Variants in ITPR2 observed in about 807,000 individuals in gnomAD.
The protein encoded by ITPR2 is inositol 1,4,5-trisphosphate-gated calcium channel ITPR2.
ITPR2 carries 207 observed loss-of-function variants against 317.1 expected under a neutral mutation model. The ratio of observed to expected loss-of-function variants is 0.65; its 90% CI spans 0.58 to 0.73. ITPR2 has a LOEUF of 0.73. Among genes scored for constraint, ITPR2 ranks in the 30% least tolerant of loss-of-function variants. ITPR2 has a pLI of 0.00. For missense variants in ITPR2, 2,613 were observed against 3,284.0 expected, an observed-to-expected ratio of 0.80 and a Z score of 4.99; for synonymous variants, 1,156 against 1,149.1, an observed-to-expected ratio of 1.01 and a Z score of -0.12.
intron 13 of ITPR2, 31 bp downstream of exon 13, chr12:26,681,843 G>T (rs761295244): frequency 1.3e-6 from 2 of 1,495,452 alleles, no homozygotes; most frequent in African/African-American, 1.5e-5. Context: ...CAACTGACTC[G>T]TGATTATTTA....
At chr12:26,739,533 G>A (rs112950121) in intron 2 of ITPR2, among the ~76,000 whole-genome samples, 1,978 of 152,236 alleles carry the variant, frequency 0.013, 47 homozygotes, top group African/African-American at 0.046. Context: ...ATCTTACTAA[G>A]TGAAAGAAGC....
chr12:26,486,018 C>T (rs566637306), intron 41 of ITPR2, 86 bp downstream of exon 41: 84 of 1,457,080 alleles, frequency 5.8e-5, no homozygotes, highest in Admixed American at 3.2e-4. Flanking sequence ...AAATGCTCTC[C>T]GAAACTACTT....
chr12:26,653,887 C>T, intron 21 of ITPR2, 89 bp downstream of exon 21: 2 of 1,056,894 alleles, frequency 1.9e-6, no homozygotes, highest in East Asian at 4.8e-5. Flanking sequence ...TTAGCAGGTA[C>T]ACAATAGCAA....
At chr12:26,564,844 A>G (rs1944906417) in intron 34 of ITPR2, among the ~76,000 whole-genome samples, 2 of 152,228 alleles carry the variant, frequency 1.3e-5, no homozygotes, top group South Asian at 4.1e-4. Context: ...ATTGTGAGAC[A>G]CTAAAATTTC....
rs202007793 is a variant in ITPR2 at position 26,602,314 on chromosome 12, C to T, written c.3678+56G>A. The stretch of plus-strand genomic sequence containing the variant: ...AAAAATTTCTTGGAACTTTGCAAAA[C>T]ATTTGAAATTGTATCAAAATAAAAA... On this transcript the variant is annotated intron_variant, in intron 28 of 56. Coordinates refer to ENST00000381340, the MANE Select transcript of ITPR2 (RefSeq NM_002223.4). The T allele has an allele frequency of 1.9e-3, 3,000 of 1,550,764 alleles. 5 individuals carry two copies. The highest frequency in any genetic ancestry group is 2.3e-3 in the Non-Finnish European group (2,702 of 1,150,582).
At chr12:26,633,386 G>A (rs1946796738) in intron 21 of ITPR2, among the ~76,000 whole-genome samples, 2 of 152,208 alleles carry the variant, frequency 1.3e-5, no homozygotes, top group South Asian at 2.1e-4. Flanking sequence ...TAAGAGGGTA[G>A]TGCTTCAGTA....
intron 55 of ITPR2, among the ~76,000 whole-genome samples, chr12:26,371,287 C>T (rs951807829): frequency 6.6e-6 from 1 of 152,156 alleles, no homozygotes; most frequent in African/African-American, 2.4e-5. Context: ...TCTCTTTCAC[C>T]TAAAGTCAGG....
chr12:26,752,524 T>C (rs1949442448), intron 2 of ITPR2, among the ~76,000 whole-genome samples: 1 of 152,170 alleles, frequency 6.6e-6, no homozygotes. Context: ...ACAAATGCCA[T>C]GGCAACGTCA....
At chr12:26,828,284 C>T (rs913028044) in intron 1 of ITPR2, among the ~76,000 whole-genome samples, 6 of 152,218 alleles carry the variant, frequency 3.9e-5, no homozygotes, top group African/African-American at 1.4e-4. Context: ...ACAACTACCA[C>T]TCTGCTTTGG....
At chr12:26,619,870 C>A (rs1182393937) in intron 26 of ITPR2, among the ~76,000 whole-genome samples, 1 of 152,078 alleles carries the variant, frequency 6.6e-6, no homozygotes, top group Non-Finnish European at 1.5e-5. Flanking sequence ...ACAGCAATTC[C>A]AGGAGCTAAG....
At chr12:26,430,333 G>A (rs1053545760) in intron 48 of ITPR2, among the ~76,000 whole-genome samples, 6 of 152,086 alleles carry the variant, frequency 3.9e-5, no homozygotes, top group African/African-American at 9.7e-5. Flanking sequence ...GCGTGATCTC[G>A]GCTCACTGCA....
At chr12:26,761,867 C>T (rs1949641387) in intron 2 of ITPR2, among the ~76,000 whole-genome samples, 1 of 152,132 alleles carries the variant, frequency 6.6e-6, no homozygotes, top group Admixed American at 6.5e-5. Context: ...AAAACAATTA[C>T]ACAAAATTAG....
At chr12:26,428,969 T>C (rs1941136236) in intron 48 of ITPR2, among the ~76,000 whole-genome samples, 1 of 152,190 alleles carries the variant, frequency 6.6e-6, no homozygotes, top group Non-Finnish European at 1.5e-5. Context: ...AAATGGAGAC[T>C]TTCCACTGGT....
In ITPR2 at chr12:26,358,131, A is replaced by T; in HGVS notation, c.7858-17803T>A. Among the ~76,000 whole-genome samples, 2 of 6,766 alleles carry T rather than the reference A, an allele frequency of 3.0e-4. 1 individual carries two copies. Among genetic ancestry groups the T allele is most frequent in the African/African-American group, 3.2e-4 (2 of 6,320 alleles). 4.4% of individuals were successfully genotyped at this position (6,766 alleles called of 152,430 possible). A position where few individuals can be genotyped will look rare whatever the true frequency, so the allele number is the denominator to read the frequency against. On this transcript the variant is annotated intron_variant, in intron 55 of 56. Coordinates refer to ENST00000381340, the MANE Select transcript of ITPR2 (RefSeq NM_002223.4). ...GCCGGGCGCGGTGGCTCACGCCTGT[A>T]ATCCCAGCACTTTGGGAGGCCGAGG... is the stretch of plus-strand genomic sequence containing the variant.
chr12:26,337,780 G>A lies in ITPR2; in HGVS notation c.*1617C>T, dbSNP rs1937968242. Reference sequence around the variant, plus strand: ...AATTCTTAGTATGAGGTGGTGCTGGGGAGTACCAGTAGCTTCAGTTCAAAA... The same window carrying A: ...AATTCTTAGTATGAGGTGGTGCTGGAGAGTACCAGTAGCTTCAGTTCAAAA... On this transcript the variant is annotated 3_prime_UTR_variant, in exon 57 of 57. Coordinates refer to ENST00000381340, the MANE Select transcript of ITPR2 (RefSeq NM_002223.4). 1 of 152,130 alleles carries A rather than the reference G, an allele frequency of 6.6e-6. No homozygotes were observed. Among genetic ancestry groups the A allele is most frequent in the African/African-American group, 2.4e-5 (1 of 41,430 alleles). The allele number at this position is 152,130 out of a possible 1,614,324, so 9.4% of individuals were successfully genotyped here.
chr12:26,545,785 A>G lies in ITPR2; in HGVS notation c.5073+4462T>C, dbSNP rs181247739. Among the ~76,000 whole-genome samples the G allele has an allele frequency of 1.2e-4, 18 of 152,300 alleles. No homozygotes were observed. In the East Asian group the frequency reaches 3.5e-3, roughly 29 times the overall value. On this transcript the variant is annotated intron_variant, in intron 37 of 56. Transcript: ENST00000381340. Reference sequence around the variant, plus strand: ...TTTCACCCAAATGGGTGAGCCATTTAGCTCCCCTCCACTGGCATGGATCAC... The same window carrying G: ...TTTCACCCAAATGGGTGAGCCATTTGGCTCCCCTCCACTGGCATGGATCAC...
intron 35 of ITPR2, among the ~76,000 whole-genome samples, chr12:26,559,516 G>C (rs1166275357): frequency 6.6e-6 from 1 of 152,056 alleles, no homozygotes; most frequent in Non-Finnish European, 1.5e-5. Flanking sequence ...ATTTTATAGG[G>C]ACTCTAATCG....
chr12:26,827,289 G>A (rs905109699), intron 1 of ITPR2, among the ~76,000 whole-genome samples: 3 of 122,318 alleles, frequency 2.5e-5, no homozygotes, highest in Non-Finnish European at 4.0e-5. Context: ...CAATAAACTC[G>A]GAGAAAAGAA....
intron 32 of ITPR2, among the ~76,000 whole-genome samples, chr12:26,585,796 G>A (rs151227574): frequency 7.1e-4 from 108 of 152,216 alleles, no homozygotes; most frequent in African/African-American, 2.6e-3. Flanking sequence ...TTTTCTAAAC[G>A]CTTTTTAGAA....
Sources: gnomAD v4.1 joint callset for allele counts (sites outside exome capture counted in the v4.1 genomes callset) on GRCh38, gnomAD v4.1.1 for gene constraint, MANE v1.5 for transcripts, NCBI Gene and HGNC (gene_info 2026-07-23, HGNC 2026-07-21) for gene names.